Variants in ALK observed in about 807,000 individuals in gnomAD.
The protein encoded by ALK is ALK tyrosine kinase receptor.
Under a neutral mutation model 163.1 loss-of-function variants are expected in ALK, and 74 were observed. That is an observed-to-expected ratio of 0.45 (90% CI 0.38 to 0.55). ALK has a LOEUF of 0.55. Ranked by LOEUF, ALK falls within the 20% of genes least tolerant of loss-of-function variation. ALK has a pLI of 0.00. For synonymous variants in ALK, 960 were observed against 843.2 expected (o/e 1.14, Z -2.40); for missense variants, 2,063 against 2,105.3 (o/e 0.98, Z 0.39).
intron 1 of ALK, among the ~76,000 whole-genome samples, chr2:29,750,386 G>A (rs1223610831): frequency 6.6e-6 from 1 of 152,070 alleles, no homozygotes; most frequent in Non-Finnish European, 1.5e-5. Flanking sequence ...TACTAAGCTG[G>A]GCAGAGTGGC....
Position 29,720,047 on chromosome 2 carries a change from T to G in ALK, c.668-2350A>C, listed in dbSNP as rs568661331. The stretch of plus-strand genomic sequence containing the variant: ...ACTTTCCTGTTTCTAAGTGATGTCA[T>G]TTTTCTGAACCATTCAGTTTGGGAA... On this transcript the variant is annotated intron_variant, in intron 1 of 28. Coordinates refer to ENST00000389048, the MANE Select transcript of ALK (RefSeq NM_004304.5). 5.9e-5 allele frequency among the ~76,000 whole-genome samples: 9 copies of G among 152,204 alleles called. No homozygotes were observed. The South Asian group carries it at 1.9e-3, about 32-fold the overall frequency.
At chr2:29,776,225 TAAAA>T (rs58918857) in intron 1 of ALK, among the ~76,000 whole-genome samples, 10 of 131,234 alleles carry the variant, frequency 7.6e-5, no homozygotes, top group South Asian at 5.0e-4. Flanking sequence ...GGAATTTTGT[TAAAA>T]AAAAAAAAAA....
intron 1 of ALK, among the ~76,000 whole-genome samples, chr2:29,875,514 T>C (rs759602808): frequency 2.6e-5 from 4 of 152,320 alleles, no homozygotes; most frequent in South Asian, 2.1e-4. Flanking sequence ...TTGCTGCACC[T>C]ATCAACCCAT....
intron 1 of ALK, among the ~76,000 whole-genome samples, chr2:29,846,371 A>G (rs1037107114): frequency 3.2e-4 from 48 of 152,184 alleles, no homozygotes; most frequent in African/African-American, 1.2e-3. Flanking sequence ...TTTCTTCACA[A>G]TACTCATCAC....
chr2:29,522,228 GTTACTTAAC>G lies in ALK; in HGVS notation c.1154+9678_1154+9686del, dbSNP rs376116368. Among the ~76,000 whole-genome samples, 1,049 of 152,270 alleles carry G rather than the reference GTTACTTAAC, an allele frequency of 6.9e-3. 16 individuals are homozygous for G. The highest frequency in any genetic ancestry group is 0.025 in the African/African-American group (1,022 of 41,550). ...TTACAAGCTGTGCAACTCTAGGCAG[GTTACTTAAC>G]CTCACTGAGCCTCAGCTTCCCCACT... On this transcript the variant is annotated intron_variant, in intron 4 of 28. Transcript: ENST00000389048.
chr2:29,226,993 G>T lies in ALK; in HGVS notation c.2996C>A (p.Pro999His), dbSNP rs1376365612. 1 of 1,614,086 alleles carries T rather than the reference G, an allele frequency of 6.2e-7. No individual in the cohort carries two copies. Among genetic ancestry groups the T allele is most frequent in the East Asian group, 2.2e-5 (1 of 44,892 alleles). ...HCEVDECHMD[P>H]ESHKVICFCD... ...GAAGCAGATGACCTTGTGGCTTTCAGGGTCCATGTGACATTCGTCTACCTC... is the reference window on the plus strand; with the variant it reads ...GAAGCAGATGACCTTGTGGCTTTCATGGTCCATGTGACATTCGTCTACCTC... The change falls in exon 18 of 29, where the codon CCT (proline) becomes CAT (histidine). Residue 999 changes from proline (P) to histidine (H), a missense_variant. By Grantham distance (77) the Pro-to-His change is moderately conservative. Coordinates refer to ENST00000389048, the MANE Select transcript of ALK (RefSeq NM_004304.5).
intron 2 of ALK, among the ~76,000 whole-genome samples, chr2:29,695,956 C>T (rs879947237): frequency 2.0e-5 from 3 of 152,142 alleles, no homozygotes; most frequent in African/African-American, 7.2e-5. Flanking sequence ...GACAGGGTGG[C>T]GATTCCTCAA....
chr2:29,523,238 A>C (rs1019436662), intron 4 of ALK, among the ~76,000 whole-genome samples: 5 of 152,074 alleles, frequency 3.3e-5, no homozygotes, highest in African/African-American at 1.2e-4. Context: ...CTCATCATCC[A>C]CCTGACACCC....
chr2:29,451,304 CA>C (rs1558329955), intron 4 of ALK, among the ~76,000 whole-genome samples: 1 of 152,144 alleles, frequency 6.6e-6, no homozygotes, highest in Admixed American at 6.5e-5. Flanking sequence ...GCACACTGAC[CA>C]ATCTTTCTTA....
chr2:29,615,544 C>G (rs1235880209), intron 3 of ALK, among the ~76,000 whole-genome samples: 1 of 152,172 alleles, frequency 6.6e-6, no homozygotes, highest in Non-Finnish European at 1.5e-5. Flanking sequence ...GTAAGTGCTT[C>G]AATACATTTA....
intron 1 of ALK, among the ~76,000 whole-genome samples, chr2:29,859,271 G>C (rs1164413677): frequency 6.6e-6 from 1 of 152,168 alleles, no homozygotes. Context: ...TAAGGCTCAG[G>C]CAGCAGTTGT....
At chr2:29,240,119 G>A (rs988740250) in intron 12 of ALK, among the ~76,000 whole-genome samples, 5 of 148,410 alleles carry the variant, frequency 3.4e-5, no homozygotes, top group Non-Finnish European at 3.0e-5. Context: ...AGGGAAGAAG[G>A]GAGAGAAGGA....
chr2:29,396,315 A>G (rs1573316020), intron 4 of ALK, among the ~76,000 whole-genome samples: 1 of 152,208 alleles, frequency 6.6e-6, no homozygotes, highest in Non-Finnish European at 1.5e-5. Context: ...CTGAGACCCA[A>G]GGACACATCC....
At chr2:29,612,728 TG>T (rs995203733) in intron 3 of ALK, among the ~76,000 whole-genome samples, 20 of 151,326 alleles carry the variant, frequency 1.3e-4, no homozygotes, top group Admixed American at 1.2e-3. Context: ...GTGCTGGGAG[TG>T]GGGATGGGAA....
intron 3 of ALK, among the ~76,000 whole-genome samples, chr2:29,553,803 A>G (rs2148177169): frequency 6.6e-6 from 1 of 152,256 alleles, no homozygotes; most frequent in South Asian, 2.1e-4. Flanking sequence ...TTTAATTACT[A>G]GTGAGGTTGA....
intron 1 of ALK, among the ~76,000 whole-genome samples, chr2:29,869,321 C>A (rs894689623): frequency 3.3e-5 from 5 of 152,124 alleles, no homozygotes; most frequent in African/African-American, 1.2e-4. Flanking sequence ...TGAATATATA[C>A]CTTCCTTAGG....
At chr2:29,826,222 G>A (rs1346814271) in intron 1 of ALK, among the ~76,000 whole-genome samples, 1 of 151,596 alleles carries the variant, frequency 6.6e-6, no homozygotes, top group African/African-American at 2.4e-5. Context: ...TGGGGTAGTA[G>A]AAATCCAACA....
intron 4 of ALK, among the ~76,000 whole-genome samples, chr2:29,530,062 CTTTTTTT>C (rs10536963): frequency 7.9e-5 from 8 of 101,896 alleles, no homozygotes; most frequent in East Asian, 2.8e-4. Context: ...AATAATCGCT[CTTTTTTT>C]TTTTTTTTTT....
intron 1 of ALK, among the ~76,000 whole-genome samples, chr2:29,790,277 G>A (rs541209594): frequency 1.6e-3 from 247 of 152,244 alleles, no homozygotes; most frequent in Middle Eastern, 3.4e-3. Context: ...GTGGAAAGTA[G>A]ATTAAAGCAG....
Sources: allele counts gnomAD v4.1 joint callset (sites outside exome capture counted in the v4.1 genomes callset), GRCh38; gene constraint gnomAD v4.1.1; transcripts MANE v1.5; gene names NCBI Gene and HGNC (gene_info 2026-07-23, HGNC 2026-07-21).